DIPK2A: variants seen among roughly 807,000 people sequenced by gnomAD.
DIPK2A encodes divergent protein kinase domain 2A, also known as Golgi Protein of 49 kDa.
Under a neutral mutation model 39.0 loss-of-function variants are expected in DIPK2A, and 27 were observed. That is an observed-to-expected ratio of 0.69 (90% CI 0.51 to 0.96). DIPK2A has a LOEUF of 0.96. Ranked by LOEUF, DIPK2A falls within the 40% of genes least tolerant of loss-of-function variation. DIPK2A has a pLI of 0.00. For missense variants in DIPK2A, 528 were observed against 571.3 expected, an observed-to-expected ratio of 0.92 and a Z score of 0.77; for synonymous variants, 298 against 240.8, an observed-to-expected ratio of 1.24 and a Z score of -2.20.
rs2087953323 is a variant in DIPK2A at position 143,989,754 on chromosome 3, T to G, written c.1206T>G (p.Cys402Trp). ...GGCTCGAGGCCTTGCTGGATGAGTG[T>G]GCCAACCCAAAGAAGCGCTATGGCA... The part of the protein sequence containing the change: ...DGRLEALLDE[C>W]ANPKKRYGRF... The change falls in exon 3 of 3, where the codon TGT becomes TGG. Residue 402 changes from cysteine to tryptophan, a missense_variant. Coordinates refer to ENST00000315691, the MANE Select transcript of DIPK2A (RefSeq NM_173552.5). The G allele has an allele frequency of 6.2e-7, 1 of 1,614,100 alleles. No individual in the cohort carries two copies. The highest frequency in any genetic ancestry group is 8.5e-7 in the Non-Finnish European group (1 of 1,180,056).
chr3:143,972,508 T>G lies in DIPK2A; in HGVS notation c.176T>G (p.Phe59Cys). The G allele has an allele frequency of 1.9e-6, 3 of 1,610,730 alleles. No individual in the cohort carries two copies. The highest frequency in any genetic ancestry group is 2.5e-6 in the Non-Finnish European group (3 of 1,178,776). ...CAGCTCAATAAGTGCCCGGCGTGCT[T>G]CGGCACGAGCTGGTGCCGCCGCTTC... ...FLQLNKCPACFGTSWCRRFLN... is the reference protein window; with the variant it reads ...FLQLNKCPACCGTSWCRRFLN... The change falls in exon 1 of 3, where the codon TTC (phenylalanine) becomes TGC (cysteine). Residue 59 changes from phenylalanine to cysteine, a missense_variant. Phe to Cys is a radical substitution (Grantham distance 205, BLOSUM62 -2). Transcript: ENST00000315691.
intron 1 of DIPK2A, among the ~76,000 whole-genome samples, chr3:143,984,150 G>A (rs1576811458): frequency 6.6e-6 from 1 of 152,216 alleles, no homozygotes; most frequent in Non-Finnish European, 1.5e-5. Context: ...ATTGGCTTAA[G>A]GGAATGTTGT....
chr3:143,986,520 C>T lies in DIPK2A; in HGVS notation c.961+674C>T, dbSNP rs202007217. 3.1e-3 allele frequency among the ~76,000 whole-genome samples: 468 copies of T among 152,022 alleles called. 5 individuals carry two copies. The East Asian group carries it at 0.042, about 14-fold the overall frequency. ...CGGGCGGATCACGAGGTCAGGAGAT[C>T]GAGACCATCCTGGCTAACACGGTGA... On this transcript the variant is annotated intron_variant, in intron 2 of 2. Transcript: ENST00000315691.
Position 143,972,584 on chromosome 3 carries a change from C to G in DIPK2A, c.252C>G (p.Asp84Glu), listed in dbSNP as rs1576803799. 6.2e-7 allele frequency: 1 copy of G among 1,612,244 alleles called. No individual in the cohort carries two copies. Among genetic ancestry groups the G allele is most frequent in the Non-Finnish European group, 8.5e-7 (1 of 1,179,704 alleles). ...CGTGGGGCCGCTTGCGCCTGCTGGA[C>G]TTCCTCAACGTGAAGAACGTGTACT... ...FEAWGRLRLL[D>E]FLNVKNVYFA... The change falls in exon 1 of 3, where the codon GAC becomes GAG. Residue 84 changes from aspartate (D) to glutamate (E), a missense_variant. Physicochemically the swap from Asp to Glu is conservative, Grantham distance 45. This residue lies in a region of DIPK2A where 309 missense variants were observed against 289.8 expected (regional missense o/e 1.07). Transcript: ENST00000315691.
intron 2 of DIPK2A, among the ~76,000 whole-genome samples, chr3:143,987,314 T>C (rs937607139): frequency 2.0e-5 from 3 of 152,220 alleles, no homozygotes; most frequent in Non-Finnish European, 4.4e-5. Context: ...TAATTCATTT[T>C]ATGCAGACAT....
intron 1 of DIPK2A, chr3:143,973,278 A>T (rs759179974): frequency 1.4e-6 from 2 of 1,444,246 alleles, no homozygotes; most frequent in Non-Finnish European, 1.9e-6. Flanking sequence ...ACACTCCCCA[A>T]AATGTCTCTA....
At chr3:143,976,864 C>T (rs866634808) in intron 1 of DIPK2A, among the ~76,000 whole-genome samples, 82 of 152,094 alleles carry the variant, frequency 5.4e-4, no homozygotes, top group African/African-American at 1.9e-3. Context: ...CAAAGCACTT[C>T]ACGTAGTATC....
At position 143,972,628 on chromosome 3, in the gene DIPK2A, C is replaced by G; in HGVS notation, c.296C>G (p.Pro99Arg). 6.2e-7 allele frequency: 1 copy of G among 1,611,578 alleles called. No individual in the cohort carries two copies. Among genetic ancestry groups the G allele is most frequent in the Non-Finnish European group, 8.5e-7 (1 of 1,179,466 alleles). The change falls in exon 1 of 3, where the codon CCC becomes CGC. Residue 99 changes from proline to arginine, a missense_variant. Transcript: ENST00000315691. ...GTGTACTTCGCGCAGTACGGCGAGC[C>G]CCGCGAGGGCGGCCGCCGCCGAGTG... is the stretch of plus-strand genomic sequence containing the variant. ...KNVYFAQYGE[P>R]REGGRRRVVL...
chr3:143,989,774 A>G lies in DIPK2A; in HGVS notation c.1226A>G (p.Tyr409Cys), dbSNP rs930134123. Residue 409 changes from tyrosine to cysteine, a missense_variant, in exon 3 of 3, where the codon TAT (tyrosine) becomes TGT (cysteine). Tyr to Cys is a radical substitution (Grantham distance 194). Transcript: ENST00000315691. ...LDECANPKKR[Y>C]GRFQAAKELR... is the part of the protein sequence containing the mutation. ...GAGTGTGCCAACCCAAAGAAGCGCTATGGCAGATTCCAGGCTGCAAAAGAA... is the reference window on the plus strand; with the variant it reads ...GAGTGTGCCAACCCAAAGAAGCGCTGTGGCAGATTCCAGGCTGCAAAAGAA... 14 of 1,614,072 alleles carry G rather than the reference A, an allele frequency of 8.7e-6. No individual in the cohort carries two copies. The highest frequency in any genetic ancestry group is 1.3e-5 in the African/African-American group (1 of 74,946).
chr3:143,982,911 A>AG (rs1191157004), intron 1 of DIPK2A, among the ~76,000 whole-genome samples: 1 of 140,380 alleles, frequency 7.1e-6, no homozygotes, highest in South Asian at 2.2e-4. Flanking sequence ...AAAAAAACAC[A>AG]AAAAAAACAA....
chr3:143,978,692 A>C (rs538684162), intron 1 of DIPK2A, among the ~76,000 whole-genome samples: 69 of 136,706 alleles, frequency 5.0e-4, no homozygotes, highest in Non-Finnish European at 3.2e-4. Flanking sequence ...CTATATATAT[A>C]TATATATATA....
At chr3:143,979,187 C>G (rs1317782199) in intron 1 of DIPK2A, among the ~76,000 whole-genome samples, 1 of 151,946 alleles carries the variant, frequency 6.6e-6, no homozygotes, top group African/African-American at 2.4e-5. Context: ...CTTACATATA[C>G]GTAAATCATA....
At position 143,991,446 on chromosome 3, in the gene DIPK2A, A is replaced by G. The variant is rs1420846630; in HGVS notation, c.*1605A>G. ...TTCTTAAGTTGAAATAGCATTAACT[A>G]GGATAATGCTTTCATGTTATTTTAT... On this transcript the variant is annotated 3_prime_UTR_variant, in exon 3 of 3. Transcript: ENST00000315691. 6.6e-6 allele frequency: 1 copy of G among 152,650 alleles called. No homozygotes were observed. Among genetic ancestry groups the G allele is most frequent in the Non-Finnish European group, 1.5e-5 (1 of 68,008 alleles). The allele number at this position is 152,650 out of a possible 1,614,324, so 9.5% of individuals were successfully genotyped here. A position where few individuals can be genotyped will look rare whatever the true frequency, so the allele number is the denominator to read the frequency against.
At chr3:143,981,692 CA>C (rs1449005749) in intron 1 of DIPK2A, among the ~76,000 whole-genome samples, 4 of 151,710 alleles carry the variant, frequency 2.6e-5, no homozygotes, top group Non-Finnish European at 5.9e-5. Context: ...GAAACAAAAA[CA>C]AAACAAAAAA....
Position 143,972,329 on chromosome 3 carries a change from C to T in DIPK2A, c.-4C>T, listed in dbSNP as rs2107836480. 2.2e-6 allele frequency: 3 copies of T among 1,350,762 alleles called. No homozygotes were observed. Among genetic ancestry groups the T allele is most frequent in the African/African-American group, 1.5e-5 (1 of 65,030 alleles). The allele number at this position is 1,350,762 out of a possible 1,614,324, so 83.7% of individuals were successfully genotyped here. A position where few individuals can be genotyped will look rare whatever the true frequency, so the allele number is the denominator to read the frequency against. ...CGCCCTCCCGTTGCGGGCGGGCGGGCGGTATGTGGCGCCTGGTGCCCCCGA... is the reference window on the plus strand; with the variant it reads ...CGCCCTCCCGTTGCGGGCGGGCGGGTGGTATGTGGCGCCTGGTGCCCCCGA... On this transcript the variant is annotated 5_prime_UTR_variant, in exon 1 of 3. Coordinates refer to ENST00000315691, the MANE Select transcript of DIPK2A (RefSeq NM_173552.5).
At chr3:143,985,977 G>A (rs1401022321) in intron 2 of DIPK2A, 131 bp downstream of exon 2, 10 of 670,832 alleles carry the variant, frequency 1.5e-5, no homozygotes, top group Non-Finnish European at 2.5e-5. Context: ...TGCTTTATAT[G>A]ACCACTGTCA....
rs183348491 is a variant in DIPK2A, at chr3:143,978,190, T to C, written c.657+5201T>C. ...GGCTTACTTCCTATTTTTCTGTCAT[T>C]GCTGCTGACTCTTCACAGAATGCTA... On this transcript the variant is annotated intron_variant, in intron 1 of 2. Coordinates refer to ENST00000315691, the MANE Select transcript of DIPK2A (RefSeq NM_173552.5). Among the ~76,000 whole-genome samples, 396 of 152,202 alleles carry C rather than the reference T, an allele frequency of 2.6e-3. 2 individuals are homozygous for C. Among genetic ancestry groups the C allele is most frequent in the South Asian group, 5.6e-3 (27 of 4,812 alleles).
chr3:143,984,685 C>T (rs1388975191), intron 1 of DIPK2A, among the ~76,000 whole-genome samples: 1 of 97,180 alleles, frequency 1.0e-5, no homozygotes, highest in African/African-American at 8.7e-5. Context: ...TCATGGAACA[C>T]GTTTTTTTTT....
intron 1 of DIPK2A, chr3:143,978,616 C>CTATATATATCTATATATA (rs59804208): frequency 7.9e-6 from 1 of 126,124 alleles, no homozygotes; most frequent in African/African-American, 2.9e-5. Flanking sequence ...ATATATATAT[C>CTATATATATCTATATATA]TATATCTATA....
Sources: allele counts gnomAD v4.1 joint callset (sites outside exome capture counted in the v4.1 genomes callset), GRCh38; gene constraint gnomAD v4.1.1; regional missense constraint gnomAD v4.1.1; transcripts MANE v1.5; gene names NCBI Gene and HGNC (gene_info 2026-07-23, HGNC 2026-07-21).